Variants in SLC39A12 observed in about 807,000 individuals in gnomAD.
SLC39A12 encodes zinc transporter ZIP12.
A neutral mutation model predicts 71.1 loss-of-function variants in SLC39A12; 63 were observed. That is an observed-to-expected ratio of 0.89 (90% confidence interval 0.72 to 1.09). The LOEUF is 1.09. Ranked by LOEUF, SLC39A12 falls within the 50% of genes least tolerant of loss-of-function variation. The pLI, the probability that SLC39A12 is intolerant of heterozygous loss-of-function variation, is 0.00. For missense variants in SLC39A12, 892 were observed against 812.6 expected (o/e 1.10, Z -1.19); for synonymous variants, 351 against 301.3 (o/e 1.16, Z -1.71).
rs782723736 is a variant in SLC39A12 at position 17,953,471 on chromosome 10, C to G, written c.195C>G (p.Ile65Met). 8 of 1,614,158 alleles carry G rather than the reference C, an allele frequency of 5.0e-6. No homozygotes were observed. The highest frequency in any genetic ancestry group is 1.1e-5 in the South Asian group (1 of 91,076). Residue 65 changes from isoleucine (I) to methionine (M), a missense_variant, in exon 2 of 13, where the codon ATC (isoleucine) becomes ATG (methionine). By Grantham distance (10) the Ile-to-Met change is conservative. Coordinates refer to ENST00000377369, the MANE Select transcript of SLC39A12 (RefSeq NM_001145195.2). Reference protein sequence around the residue: ...HPPHNHSRSLIKTLLEKTGCP... With the variant: ...HPPHNHSRSLMKTLLEKTGCP... ...CCCACAACCACTCAAGAAGCCTCAT[C>G]AAAACATTGTTGGAGAAAACTGGGT...
At chr10:17,984,718 G>A (rs1310695488) in intron 6 of SLC39A12, among the ~76,000 whole-genome samples, 8 of 152,136 alleles carry the variant, frequency 5.3e-5, no homozygotes, top group Non-Finnish European at 1.0e-4. Flanking sequence ...AATACAGTTC[G>A]CCATCTTAAC....
intron 4 of SLC39A12, among the ~76,000 whole-genome samples, chr10:17,976,063 G>C (rs1041942806): frequency 6.6e-6 from 1 of 152,192 alleles, no homozygotes; most frequent in African/African-American, 2.4e-5. Context: ...GGTGACATCA[G>C]AGATTCAAGA....
intron 12 of SLC39A12, among the ~76,000 whole-genome samples, chr10:18,028,095 T>A (rs1836729197): frequency 6.6e-6 from 1 of 152,236 alleles, no homozygotes; most frequent in Non-Finnish European, 1.5e-5. Context: ...TGGAAACAGA[T>A]GTTGTACATC....
At chr10:17,972,750 T>C (rs1172965821) in intron 4 of SLC39A12, among the ~76,000 whole-genome samples, 3 of 151,950 alleles carry the variant, frequency 2.0e-5, no homozygotes, top group East Asian at 1.9e-4. Flanking sequence ...GTGTTTCTTA[T>C]AGGCAATAGA....
intron 12 of SLC39A12, among the ~76,000 whole-genome samples, chr10:18,030,675 T>C (rs1271639603): frequency 6.6e-6 from 1 of 151,494 alleles, no homozygotes; most frequent in Non-Finnish European, 1.5e-5. Flanking sequence ...AGTTTTAGGG[T>C]ACATGTGCAC....
At chr10:17,981,822 A>G (rs1411296493) in intron 6 of SLC39A12, among the ~76,000 whole-genome samples, 2 of 152,218 alleles carry the variant, frequency 1.3e-5, no homozygotes, top group Non-Finnish European at 2.9e-5. Context: ...TATATGGTTT[A>G]TATGAATTAA....
At chr10:18,025,764 A>T (rs190223368) in intron 12 of SLC39A12, among the ~76,000 whole-genome samples, 11 of 152,286 alleles carry the variant, frequency 7.2e-5, no homozygotes, top group African/African-American at 2.6e-4. Context: ...ATGGGATTGC[A>T]GGGTCAAATT....
intron 6 of SLC39A12, among the ~76,000 whole-genome samples, chr10:17,982,989 G>T (rs552090565): frequency 6.6e-6 from 1 of 151,580 alleles, no homozygotes; most frequent in South Asian, 2.1e-4. Flanking sequence ...AGGAGATCAA[G>T]ACCATCCTGG....
At chr10:17,989,061 T>C (rs1369945322) in intron 7 of SLC39A12, among the ~76,000 whole-genome samples, 1 of 152,180 alleles carries the variant, frequency 6.6e-6, no homozygotes, top group Non-Finnish European at 1.5e-5. Flanking sequence ...CTGCCTCCTG[T>C]TGACGTGTGC....
intron 4 of SLC39A12, among the ~76,000 whole-genome samples, chr10:17,977,470 A>T (rs532968294): frequency 6.6e-6 from 1 of 152,290 alleles, no homozygotes; most frequent in African/African-American, 2.4e-5. Flanking sequence ...ATACTGAGGG[A>T]AACTAATCTG....
At chr10:18,011,387 C>T (rs1836217866) in intron 12 of SLC39A12, among the ~76,000 whole-genome samples, 1 of 152,088 alleles carries the variant, frequency 6.6e-6, no homozygotes, top group Admixed American at 6.5e-5. Flanking sequence ...CTGCACTCAT[C>T]CCCCTTATGA....
chr10:17,969,754 T>C (rs1189678245), intron 4 of SLC39A12, among the ~76,000 whole-genome samples: 1 of 152,210 alleles, frequency 6.6e-6, no homozygotes, highest in East Asian at 1.9e-4. Flanking sequence ...CACTTCACTT[T>C]GTTGTTTCTT....
intron 1 of SLC39A12, 107 bp from the exon 2 acceptor site, chr10:17,953,084 A>G (rs546868346): frequency 1.5e-6 from 1 of 681,538 alleles, no homozygotes; most frequent in African/African-American, 1.8e-5. Context: ...CCCGCTGTGT[A>G]GAAACAGCTT....
At chr10:18,020,923 TG>T (rs1241897773) in intron 12 of SLC39A12, among the ~76,000 whole-genome samples, 2 of 152,190 alleles carry the variant, frequency 1.3e-5, no homozygotes, top group African/African-American at 4.8e-5. Context: ...GTAGGCTGTC[TG>T]TTTATTCAGT....
At chr10:18,003,512 G>A in intron 12 of SLC39A12, 154 bp downstream of exon 12, 3 of 620,480 alleles carry the variant, frequency 4.8e-6, no homozygotes. Flanking sequence ...CTCCAAGAAA[G>A]TGCATTCTGG....
chr10:17,988,533 T>C (rs1228322634), intron 7 of SLC39A12, among the ~76,000 whole-genome samples: 2 of 152,180 alleles, frequency 1.3e-5, no homozygotes, highest in African/African-American at 2.4e-5. Flanking sequence ...AAACCTCTTT[T>C]CTTTATAGGT....
intron 4 of SLC39A12, among the ~76,000 whole-genome samples, chr10:17,970,445 G>A (rs1834938540): frequency 6.6e-6 from 1 of 151,974 alleles, no homozygotes; most frequent in African/African-American, 2.4e-5. Context: ...TTTTCTTGGT[G>A]TCTTCTTCAG....
intron 12 of SLC39A12, chr10:18,005,551 C>T (rs781051119): frequency 3.3e-5 from 5 of 152,212 alleles, no homozygotes; most frequent in Non-Finnish European, 5.9e-5. Context: ...TTCACACAGA[C>T]TGGTTCTCTC....
intron 12 of SLC39A12, among the ~76,000 whole-genome samples, chr10:18,021,162 G>C (rs1012619176): frequency 3.3e-5 from 5 of 151,890 alleles, no homozygotes; most frequent in African/African-American, 1.2e-4. Context: ...TGAAAGGGGA[G>C]GGTCCAGTTT....
Sources: allele counts gnomAD v4.1 joint callset (sites outside exome capture counted in the v4.1 genomes callset), GRCh38; gene constraint gnomAD v4.1.1; transcripts MANE v1.5; gene names NCBI Gene and HGNC (gene_info 2026-07-23, HGNC 2026-07-21).